MCC: variants seen among roughly 807,000 people sequenced by gnomAD.
MCC encodes MCC regulator of Wnt signaling pathway.
MCC carries 90 observed loss-of-function variants against 116.2 expected under a neutral mutation model. That is an observed-to-expected ratio of 0.77 (90% confidence interval 0.65 to 0.92). The LOEUF (loss-of-function observed/expected upper bound fraction) is 0.92, where lower values mean the gene tolerates loss of function less well. MCC is among the 40% of genes least tolerant of loss of function. MCC has a pLI of 0.00. For synonymous variants in MCC, 578 were observed against 510.5 expected (o/e 1.13, Z -1.78); for missense variants, 1,516 against 1,312.2 (o/e 1.16, Z -2.40).
rs997097291 is a variant in MCC, at chr5:113,060,594, C to T, written c.2213+3390G>A. Among the ~76,000 whole-genome samples the T allele has an allele frequency of 2.6e-5, 4 of 152,196 alleles. No homozygotes were observed. The South Asian group carries it at 8.3e-4, about 32-fold the overall frequency. On this transcript the variant is annotated intron_variant, in intron 14 of 18. Coordinates refer to ENST00000408903, the MANE Select transcript of MCC (RefSeq NM_001085377.2). ...GAATGGAGAACTTTACCATCCTATG[C>T]ATTTTGCAATGCTGGCATTTTAATT...
At chr5:113,059,089 G>A (rs1273104407) in intron 14 of MCC, among the ~76,000 whole-genome samples, 1 of 151,988 alleles carries the variant, frequency 6.6e-6, no homozygotes, top group Non-Finnish European at 1.5e-5. Flanking sequence ...GGCAGGCAGG[G>A]AAGGCTTTTG....
chr5:113,444,014 T>C (rs1212190847), intron 1 of MCC, among the ~76,000 whole-genome samples: 1 of 151,768 alleles, frequency 6.6e-6, no homozygotes, highest in Non-Finnish European at 1.5e-5. Flanking sequence ...TGTGTGTGTG[T>C]GTGTGTGTTT....
intron 3 of MCC, among the ~76,000 whole-genome samples, chr5:113,299,553 G>C (rs1208683023): frequency 6.6e-6 from 1 of 152,072 alleles, no homozygotes; most frequent in East Asian, 1.9e-4. Flanking sequence ...GAAACATATG[G>C]ACCAACTCGT....
At chr5:113,352,337 C>T (rs1367055191) in intron 2 of MCC, among the ~76,000 whole-genome samples, 2 of 152,144 alleles carry the variant, frequency 1.3e-5, no homozygotes, top group African/African-American at 4.8e-5. Context: ...TCTTGACAGC[C>T]TGTGTTCACC....
At chr5:113,128,041 T>C (rs538035948) in intron 5 of MCC, among the ~76,000 whole-genome samples, 1 of 152,352 alleles carries the variant, frequency 6.6e-6, no homozygotes, top group East Asian at 1.9e-4. Context: ...TTCCTTCTCA[T>C]TATTGGTTAG....
chr5:113,488,299 C>G lies in MCC; in HGVS notation c.116G>C (p.Arg39Thr). 6.3e-7 allele frequency: 1 copy of G among 1,595,000 alleles called. No homozygotes were observed. The highest frequency in any genetic ancestry group is 1.4e-5 in the African/African-American group (1 of 72,424). The change falls in exon 1 of 19, where the codon AGG (arginine) becomes ACG (threonine). Residue 39 changes from arginine (R) to threonine (T), a missense_variant. Physicochemically the swap from Arg to Thr is moderately conservative, Grantham distance 71. Coordinates refer to ENST00000408903, the MANE Select transcript of MCC (RefSeq NM_001085377.2). ...GCACGTCTGGAAGAGGCGCCGCATC[C>G]TCTCCTCCTCGCCGGTGCTGGACGT... Reference protein sequence around the residue: ...SDTSSTGEEERMRRLFQTCDG... With the variant: ...SDTSSTGEEETMRRLFQTCDG...
At chr5:113,080,651 C>G (rs7732048) in intron 11 of MCC, among the ~76,000 whole-genome samples, 2 of 151,644 alleles carry the variant, frequency 1.3e-5, no homozygotes, top group African/African-American at 2.4e-5. Flanking sequence ...CGGGGCCTGT[C>G]GTGGGGTGGA....
At chr5:113,205,800 T>C (rs570131448) in intron 3 of MCC, among the ~76,000 whole-genome samples, 30 of 152,298 alleles carry the variant, frequency 2.0e-4, no homozygotes, top group African/African-American at 6.0e-4. Flanking sequence ...CATGGGTAGA[T>C]AGAGCATTCT....
chr5:113,398,933 T>A (rs1036414801), intron 1 of MCC, among the ~76,000 whole-genome samples: 4 of 152,210 alleles, frequency 2.6e-5, no homozygotes, highest in African/African-American at 9.7e-5. Context: ...CTGTTCAATA[T>A]GGCAGCCACT....
At chr5:113,411,514 G>A (rs1453995474) in intron 1 of MCC, among the ~76,000 whole-genome samples, 1 of 151,818 alleles carries the variant, frequency 6.6e-6, no homozygotes, top group Non-Finnish European at 1.5e-5. Context: ...TTAGACATTT[G>A]TCAGATAAGG....
chr5:113,296,575 T>G (rs1766717955), intron 3 of MCC, among the ~76,000 whole-genome samples: 1 of 152,052 alleles, frequency 6.6e-6, no homozygotes, highest in Non-Finnish European at 1.5e-5. Context: ...GAGACTGGAA[T>G]GTGCAGAGCG....
chr5:113,075,494 G>A (rs1001458936), intron 11 of MCC, among the ~76,000 whole-genome samples: 2 of 152,220 alleles, frequency 1.3e-5, no homozygotes, highest in African/African-American at 4.8e-5. Context: ...AAGCCAGCTG[G>A]GCTCTTGAGT....
chr5:113,215,636 C>T (rs1345231195), intron 3 of MCC, among the ~76,000 whole-genome samples: 1 of 152,182 alleles, frequency 6.6e-6, no homozygotes, highest in African/African-American at 2.4e-5. Context: ...TGTTCTTCCC[C>T]TCCAATGGAT....
At position 113,469,834 on chromosome 5, in the gene MCC, A is replaced by T. The variant is rs1580417409; in HGVS notation, c.170+18411T>A. ...GGGAGTCTAAGCCTCTTTGTAGGTCACTAAGGACTTGCTTTATGAATCTGG... is the reference window on the plus strand; with the variant it reads ...GGGAGTCTAAGCCTCTTTGTAGGTCTCTAAGGACTTGCTTTATGAATCTGG... On this transcript the variant is annotated intron_variant, in intron 1 of 18. Transcript: ENST00000408903. 5.3e-5 allele frequency among the ~76,000 whole-genome samples: 8 copies of T among 152,252 alleles called. No homozygotes were observed. The South Asian group carries it at 1.7e-3, about 32-fold the overall frequency.
chr5:113,064,749 C>A (rs541530388), intron 13 of MCC, among the ~76,000 whole-genome samples: 1 of 152,184 alleles, frequency 6.6e-6, no homozygotes, highest in African/African-American at 2.4e-5. Context: ...AACTCAAATG[C>A]CTCCAGGAGC....
rs566968993 is a variant in MCC, at chr5:113,101,123, G to C, written c.1398+616C>G. 2.3e-4 allele frequency among the ~76,000 whole-genome samples: 35 copies of C among 152,186 alleles called. No homozygotes were observed. In the South Asian group the frequency reaches 7.3e-3, roughly 32 times the overall value. On this transcript the variant is annotated intron_variant, in intron 8 of 18. Transcript: ENST00000408903. The stretch of plus-strand genomic sequence containing the variant: ...CCTAAACAAAATGATACTCAAACTA[G>C]GTCAGGCCCTAGGGTGAATAGCAGG...
intron 11 of MCC, among the ~76,000 whole-genome samples, chr5:113,078,082 A>G (rs973307956): frequency 2.6e-5 from 4 of 152,218 alleles, no homozygotes; most frequent in African/African-American, 9.6e-5. Context: ...CTGGACACAT[A>G]CACCTTCCCA....
chr5:113,302,331 G>A (rs1275560831), intron 3 of MCC, among the ~76,000 whole-genome samples: 3 of 152,108 alleles, frequency 2.0e-5, no homozygotes, highest in Non-Finnish European at 4.4e-5. Context: ...GGGAAAAAGG[G>A]AAGTAAGCAA....
intron 3 of MCC, among the ~76,000 whole-genome samples, chr5:113,260,556 G>C (rs6594697): frequency 0.11 from 16,418 of 152,054 alleles, 1,401 homozygotes; most frequent in Admixed American, 0.26. Context: ...TCCCCAAATT[G>C]AACAAATGGT....
Sources: allele counts gnomAD v4.1 joint callset (sites outside exome capture counted in the v4.1 genomes callset), GRCh38; gene constraint gnomAD v4.1.1; transcripts MANE v1.5; gene names NCBI Gene and HGNC (gene_info 2026-07-23, HGNC 2026-07-21).